Variants in GPR171 observed in about 807,000 individuals in gnomAD.
GPR171 encodes the protein G protein-coupled receptor 171.
Under a neutral mutation model 16.7 loss-of-function variants are expected in GPR171, and 14 were observed. The ratio of observed to expected loss-of-function variants is 0.84; its 90% CI spans 0.55 to 1.31. The LOEUF (loss-of-function observed/expected upper bound fraction) is 1.31. Ranked by LOEUF, GPR171 falls within the 40% of genes most tolerant of loss-of-function variation. The probability of loss-of-function intolerance (pLI) is 0.00; values close to 1 mark genes in which losing one functional copy is unlikely to be tolerated. For synonymous variants in GPR171, 134 were observed against 135.6 expected, an observed-to-expected ratio of 0.99 and a Z score of 0.08; for missense variants, 337 against 378.9, an observed-to-expected ratio of 0.89 and a Z score of 0.92.
At chr3:151,200,871 T>G (rs566766173) in intron 2 of GPR171, 38 bp downstream of exon 2, 1 of 152,322 alleles carries the variant, frequency 6.6e-6, no homozygotes, top group South Asian at 2.1e-4. Flanking sequence ...GTCCCTGCTT[T>G]ACAGATGAGG....
chr3:151,199,376 C>T lies in GPR171; in HGVS notation c.11G>A (p.Ser4Asn). 1 of 1,607,388 alleles carries T rather than the reference C, an allele frequency of 6.2e-7. No individual in the cohort carries two copies. The highest frequency in any genetic ancestry group is 8.5e-7 in the Non-Finnish European group (1 of 1,177,434). Residue 4 changes from serine (S) to asparagine (N), a missense_variant, in exon 3 of 3, where the codon AGT becomes AAT. Coordinates refer to ENST00000309180, the MANE Select transcript of GPR171 (RefSeq NM_013308.4). MTNSSFFCPVYKDL... is the reference protein window; with the variant it reads MTNNSFFCPVYKDL... ...TTTATAAACTGGGCAGAAGAACGAA[C>T]TGTTTGTCATCTTGAGGGAAAGTAA...
Position 151,198,917 on chromosome 3 carries a change from A to C in GPR171, c.470T>G (p.Ile157Ser). 1 of 1,613,974 alleles carries C rather than the reference A, an allele frequency of 6.2e-7. No homozygotes were observed. The highest frequency in any genetic ancestry group is 1.3e-5 in the African/African-American group (1 of 75,026). The change falls in exon 3 of 3, where the codon ATC becomes AGC. Residue 157 changes from isoleucine to serine, a missense_variant. Ile to Ser is a moderately radical substitution (Grantham distance 142). Coordinates refer to ENST00000309180, the MANE Select transcript of GPR171 (RefSeq NM_013308.4). ...VPNMMIPIKD[I>S]KEKSNVGCME... is the part of the protein sequence containing the mutation. ...ACAACCCACATTTGACTTTTCCTTG[A>C]TGTCTTTGATGGGAATCATCATATT...
At chr3:151,201,772 G>A (rs1725627666) in intron 1 of GPR171, among the ~76,000 whole-genome samples, 1 of 152,164 alleles carries the variant, frequency 6.6e-6, no homozygotes, top group Admixed American at 6.5e-5. Flanking sequence ...TTCTTTATGT[G>A]AAAAACTAGT....
intron 1 of GPR171, among the ~76,000 whole-genome samples, chr3:151,201,971 GAGA>G (rs1402302990): frequency 6.6e-6 from 1 of 152,224 alleles, no homozygotes; most frequent in Non-Finnish European, 1.5e-5. Context: ...ATATGGTAAA[GAGA>G]AGAATTAGAG....
At chr3:151,201,049 T>TATA (rs1192605117) in intron 1 of GPR171, 52 bp from the exon 2 acceptor site, 1 of 152,194 alleles carries the variant, frequency 6.6e-6, no homozygotes, top group Non-Finnish European at 1.5e-5. Context: ...TGATTATTAT[T>TATA]ATATCTGCCA....
In GPR171 at chr3:151,199,365, A is replaced by C; in HGVS notation, c.22T>G (p.Cys8Gly). ...GGCTCCAGATCTTTATAAACTGGGC[A>C]GAAGAACGAACTGTTTGTCATCTTG... MTNSSFFCPVYKDLEPFT... is the reference protein window; with the variant it reads MTNSSFFGPVYKDLEPFT... The change falls in exon 3 of 3, where the codon TGC becomes GGC. Residue 8 changes from cysteine (C) to glycine (G), a missense_variant. Cys to Gly is a radical substitution (Grantham distance 159). Coordinates refer to ENST00000309180, the MANE Select transcript of GPR171 (RefSeq NM_013308.4). 6.2e-7 allele frequency: 1 copy of C among 1,611,218 alleles called. No individual in the cohort carries two copies.
Position 151,198,809 on chromosome 3 carries a change from G to A in GPR171, c.578C>T (p.Ala193Val), listed in dbSNP as rs2149135226. The change falls in exon 3 of 3, where the codon GCC (alanine) becomes GTC (valine). Residue 193 changes from alanine to valine, a missense_variant. Ala to Val is a moderately conservative substitution (Grantham distance 64). Coordinates refer to ENST00000309180, the MANE Select transcript of GPR171 (RefSeq NM_013308.4). Reference protein sequence around the residue: ...ICVAIFLNFSAIILISNCLVI... With the variant: ...ICVAIFLNFSVIILISNCLVI... Reference sequence around the variant, plus strand: ...AAGGCAATTGGATATTAAAATGATGGCTGAGAAATTTAAAAATATTGCTAC... The same window carrying A: ...AAGGCAATTGGATATTAAAATGATGACTGAGAAATTTAAAAATATTGCTAC... The A allele has an allele frequency of 1.2e-6, 2 of 1,613,124 alleles. No individual in the cohort carries two copies. The highest frequency in any genetic ancestry group is 1.3e-5 in the African/African-American group (1 of 75,016).
At chr3:151,199,500 A>G in intron 2 of GPR171, 61 bp from the exon 3 acceptor site, 2 of 900,970 alleles carry the variant, frequency 2.2e-6, no homozygotes, top group Admixed American at 5.1e-5. Flanking sequence ...TTTCTTTAAA[A>G]GACATTGGTC....
chr3:151,199,747 A>G (rs549547610), intron 2 of GPR171, among the ~76,000 whole-genome samples: 178 of 152,166 alleles, frequency 1.2e-3, no homozygotes, highest in Non-Finnish European at 1.2e-3. Flanking sequence ...TGCAGAGGAG[A>G]TAAGTGAACC....
Position 151,199,085 on chromosome 3 carries a change from G to C in GPR171, c.302C>G (p.Ser101Ter), listed in dbSNP as rs1453793893. The change falls in exon 3 of 3, where the codon TCA becomes TGA. Residue 101 changes from serine (S) to a stop codon, truncating the protein, a stop_gained. Coordinates refer to ENST00000309180, the MANE Select transcript of GPR171 (RefSeq NM_013308.4). LOFTEE classifies it high-confidence loss of function. ...GCTGACAAATGCTAAGAAGATAATT[G>C]ATAAATACATATTGATATAGATGAG... ...ACLIYINMYL[S>*]IIFLAFVSID... 6.2e-7 allele frequency: 1 copy of C among 1,613,812 alleles called. No homozygotes were observed. Among genetic ancestry groups the C allele is most frequent in the Admixed American group, 1.7e-5 (1 of 60,004 alleles).
chr3:151,199,775 A>G (rs1341394615), intron 2 of GPR171, among the ~76,000 whole-genome samples: 3 of 152,016 alleles, frequency 2.0e-5, no homozygotes, highest in Non-Finnish European at 4.4e-5. Context: ...TGAGAAGTAG[A>G]GAGAGGAAAC....
chr3:151,199,551 G>A, intron 2 of GPR171, 112 bp from the exon 3 acceptor site: 1 of 618,912 alleles, frequency 1.6e-6, no homozygotes, highest in East Asian at 2.8e-5. Flanking sequence ...GAATTTTATT[G>A]GTGAACTTAC....
chr3:151,200,794 C>T (rs2149147720), intron 2 of GPR171, 115 bp downstream of exon 2: 1 of 152,338 alleles, frequency 6.6e-6, no homozygotes, highest in South Asian at 2.1e-4. Flanking sequence ...GTATCTGGCA[C>T]TATGCCAAAT....
intron 2 of GPR171, among the ~76,000 whole-genome samples, chr3:151,200,510 T>C (rs1427488276): frequency 1.3e-5 from 2 of 152,258 alleles, no homozygotes; most frequent in East Asian, 3.8e-4. Context: ...CCAGATCAGC[T>C]ACTCTGTAAG....
intron 2 of GPR171, among the ~76,000 whole-genome samples, chr3:151,200,350 G>A (rs908457562): frequency 6.6e-6 from 1 of 152,084 alleles, no homozygotes; most frequent in African/African-American, 2.4e-5. Context: ...GCTGCCTGTT[G>A]GTGTGGGTCC....
At position 151,199,322 on chromosome 3, in the gene GPR171, T is replaced by TA. The variant is rs913975629; in HGVS notation, c.64dup (p.Tyr22LeufsTer34). The stretch of plus-strand genomic sequence containing the variant: ...AATAATTCCAACAAGGAAAACTAAA[T>TA]AAAAAAAATACGTGAATGGCTCCAG... On this transcript the variant is annotated frameshift_variant, in exon 3 of 3. Coordinates refer to ENST00000309180, the MANE Select transcript of GPR171 (RefSeq NM_013308.4). LOFTEE classifies it high-confidence loss of function. 16 of 1,612,030 alleles carry TA rather than the reference T, an allele frequency of 9.9e-6. No individual in the cohort carries two copies. The highest frequency in any genetic ancestry group is 2.2e-5 in the East Asian group (1 of 44,864).
rs943698139 is a variant in GPR171 at position 151,197,914 on chromosome 3, ATGAGT to A, written c.*508_*512del. The A allele has an allele frequency of 3.3e-5, 5 of 152,646 alleles. No homozygotes were observed. The highest frequency in any genetic ancestry group is 7.3e-5 in the Non-Finnish European group (5 of 68,042). 9.5% of individuals were successfully genotyped at this position (152,646 alleles called of 1,614,324 possible). A position where few individuals can be genotyped will look rare whatever the true frequency, so the allele number is the denominator to read the frequency against. The stretch of plus-strand genomic sequence containing the variant: ...TTCGACATTAAAAATTGGAGGAATA[ATGAGT>A]TGAAAGATTACCATCTTTTGAAGTG... On this transcript the variant is annotated 3_prime_UTR_variant, in exon 3 of 3. Coordinates refer to ENST00000309180, the MANE Select transcript of GPR171 (RefSeq NM_013308.4).
In GPR171 at chr3:151,198,555, G is replaced by T. The variant is rs759157815; in HGVS notation, c.832C>A (p.Leu278Met). ...TAGTACAGGATAGGATCAAAGCACAGGTTCGACACAGCCAGGAGCAGTGTA... is the reference window on the plus strand; with the variant it reads ...TAGTACAGGATAGGATCAAAGCACATGTTCGACACAGCCAGGAGCAGTGTA... ...EATLLLAVSN[L>M]CFDPILYYHL... Residue 278 changes from leucine to methionine, a missense_variant, in exon 3 of 3, where the codon CTG (leucine) becomes ATG (methionine). Leu to Met is a conservative substitution (Grantham distance 15). Coordinates refer to ENST00000309180, the MANE Select transcript of GPR171 (RefSeq NM_013308.4). 5.1e-5 allele frequency: 82 copies of T among 1,613,966 alleles called. No individual in the cohort carries two copies. Among genetic ancestry groups the T allele is most frequent in the Non-Finnish European group, 6.9e-5 (81 of 1,179,974 alleles).
At position 151,198,638 on chromosome 3, in the gene GPR171, T is replaced by C; in HGVS notation, c.749A>G (p.Gln250Arg). The part of the protein sequence containing the change: ...HIVRIPYTLS[Q>R]TEVITDCSTR... ...TGAGCAATCAGTTATGACTTCTGTC[T>C]GGCTGAGGGTATACGGGATTCGGAC... The change falls in exon 3 of 3, where the codon CAG becomes CGG. Residue 250 changes from glutamine to arginine, a missense_variant. Gln to Arg is a conservative substitution (Grantham distance 43). Transcript: ENST00000309180. The C allele has an allele frequency of 6.2e-7, 1 of 1,614,090 alleles. No individual in the cohort carries two copies.
Sources: gnomAD v4.1 joint callset for allele counts (sites outside exome capture counted in the v4.1 genomes callset) on GRCh38, gnomAD v4.1.1 for gene constraint, MANE v1.5 for transcripts, NCBI Gene and HGNC (gene_info 2026-07-23, HGNC 2026-07-21) for gene names.